The following PIK3C2G variants were observed in gnomAD, a reference collection of about 807,000 sequenced individuals.
The protein encoded by PIK3C2G is phosphatidylinositol 3-kinase C2 domain-containing subunit gamma.
Under a neutral mutation model 181.1 loss-of-function variants are expected in PIK3C2G, and 168 were observed. The observed-to-expected ratio is 0.93, with a 90% confidence interval of 0.82 to 1.05. The LOEUF (loss-of-function observed/expected upper bound fraction) is 1.05, where lower values mean the gene tolerates loss of function less well. Among genes scored for constraint, PIK3C2G ranks in the 50% least tolerant of loss-of-function variants. The pLI is 0.00. For synonymous variants in PIK3C2G, 573 were observed against 592.2 expected (o/e 0.97, Z 0.47); for missense variants, 1,869 against 1,732.8 (o/e 1.08, Z -1.40).
rs1949665447 is a variant in PIK3C2G at position 18,290,947 on chromosome 12, A to G, written c.854A>G (p.Lys285Arg). 1 of 1,592,938 alleles carries G rather than the reference A, an allele frequency of 6.3e-7. No homozygotes were observed. Among genetic ancestry groups the G allele is most frequent in the South Asian group, 1.1e-5 (1 of 90,606 alleles). Residue 285 changes from lysine (K) to arginine (R), a missense_variant, in exon 4 of 33, where the codon AAG becomes AGG. Coordinates refer to ENST00000538779, the MANE Select transcript of PIK3C2G (RefSeq NM_001288772.2). Reference sequence around the variant, plus strand: ...GCATTTCCGTATCAGCTCTTTTCTAAGACCAAGTTTAATATACATATTTTT... The same window carrying G: ...GCATTTCCGTATCAGCTCTTTTCTAGGACCAAGTTTAATATACATATTTTT... Reference protein sequence around the residue: ...TTAFPYQLFSKTKFNIHIFID... With the variant: ...TTAFPYQLFSRTKFNIHIFID...
intron 32 of PIK3C2G, among the ~76,000 whole-genome samples, chr12:18,644,608 G>T (rs73071873): frequency 0.047 from 7,103 of 152,162 alleles, 186 homozygotes; most frequent in African/African-American, 0.077. Flanking sequence ...CACTCAGTAA[G>T]CTATAGTTAT....
intron 26 of PIK3C2G, among the ~76,000 whole-genome samples, chr12:18,553,294 A>T (rs1222044053): frequency 6.6e-6 from 1 of 152,076 alleles, no homozygotes; most frequent in African/African-American, 2.4e-5. Context: ...TTTTAATATC[A>T]TTAATAAAAT....
intron 13 of PIK3C2G, among the ~76,000 whole-genome samples, chr12:18,373,196 T>C (rs1245257917): frequency 6.6e-6 from 1 of 152,196 alleles, no homozygotes; most frequent in East Asian, 1.9e-4. Flanking sequence ...CCCAGTTTAT[T>C]TGATGCAGAT....
chr12:18,480,992 G>T (rs1327101829), intron 18 of PIK3C2G, among the ~76,000 whole-genome samples: 1 of 151,962 alleles, frequency 6.6e-6, no homozygotes. Context: ...GAGTGCAGTG[G>T]CGCAATCTCG....
At chr12:18,479,578 A>T (rs1389673052) in intron 18 of PIK3C2G, among the ~76,000 whole-genome samples, 1 of 152,198 alleles carries the variant, frequency 6.6e-6, no homozygotes, top group African/African-American at 2.4e-5. Context: ...GGCACAGAGT[A>T]AATGCTTGAT....
rs189955283 is a variant in PIK3C2G, at chr12:18,433,432, A to C, written c.2504+9393A>C. On this transcript the variant is annotated intron_variant, in intron 18 of 32. Transcript: ENST00000538779. ...GGAGGCTGAGGCAGGAGGCTGAGGCAGGAGAATCACTTGAACCCAGGAGGC... is the reference window on the plus strand; with the variant it reads ...GGAGGCTGAGGCAGGAGGCTGAGGCCGGAGAATCACTTGAACCCAGGAGGC... 7.0e-3 allele frequency among the ~76,000 whole-genome samples: 1,066 copies of C among 151,970 alleles called. 6 individuals carry two copies. The highest frequency in any genetic ancestry group is 0.019 in the African/African-American group (780 of 41,306).
At chr12:18,288,922 T>A (rs1949569933) in intron 3 of PIK3C2G, among the ~76,000 whole-genome samples, 1 of 152,196 alleles carries the variant, frequency 6.6e-6, no homozygotes, top group South Asian at 2.1e-4. Context: ...CTCTTTAATA[T>A]AATTTTTCTA....
At chr12:18,585,267 C>A (rs1946709208) in intron 29 of PIK3C2G, among the ~76,000 whole-genome samples, 1 of 151,814 alleles carries the variant, frequency 6.6e-6, no homozygotes, top group Admixed American at 6.6e-5. Flanking sequence ...AAGCAAGACC[C>A]AGTGGTATGC....
At chr12:18,255,480 T>C (rs1948136994) in intron 1 of PIK3C2G, among the ~76,000 whole-genome samples, 1 of 152,198 alleles carries the variant, frequency 6.6e-6, no homozygotes, top group African/African-American at 2.4e-5. Context: ...TTCTTTTATA[T>C]CTAAGATGAC....
At chr12:18,562,361 T>A (rs965049702) in intron 26 of PIK3C2G, among the ~76,000 whole-genome samples, 16 of 152,182 alleles carry the variant, frequency 1.1e-4, no homozygotes, top group African/African-American at 3.9e-4. Flanking sequence ...CTCGATCTCC[T>A]GACCTCGTGA....
chr12:18,604,986 G>T (rs1298085018), intron 30 of PIK3C2G, among the ~76,000 whole-genome samples: 3 of 151,992 alleles, frequency 2.0e-5, no homozygotes, highest in Non-Finnish European at 2.9e-5. Flanking sequence ...AGGAACTAGA[G>T]AAACAAGAAC....
chr12:18,416,149 G>A (rs749230106), intron 16 of PIK3C2G, among the ~76,000 whole-genome samples: 101 of 152,252 alleles, frequency 6.6e-4, no homozygotes, highest in Middle Eastern at 6.8e-3. Flanking sequence ...GGAGGCTGAG[G>A]CAGGAGAATC....
the PIK3C2G span, among the ~76,000 whole-genome samples, chr12:18,680,216 T>C: frequency 3.3e-5 from 5 of 152,020 alleles, no homozygotes; most frequent in Non-Finnish European, 5.9e-5. Context: ...CATAAGCATT[T>C]CACTCAAAAG....
At chr12:18,408,678 A>G (rs967725026) in intron 16 of PIK3C2G, among the ~76,000 whole-genome samples, 4 of 152,202 alleles carry the variant, frequency 2.6e-5, no homozygotes, top group African/African-American at 7.2e-5. Flanking sequence ...AAGGGCTAAT[A>G]TTCAGAATCT....
At chr12:18,499,541 A>C (rs746159342) in intron 22 of PIK3C2G, among the ~76,000 whole-genome samples, 10 of 152,126 alleles carry the variant, frequency 6.6e-5, no homozygotes, top group Non-Finnish European at 1.5e-4. Flanking sequence ...TCTGAGAGAA[A>C]TTTTCAGGGC....
chr12:18,573,070 G>A (rs1011475716), intron 29 of PIK3C2G, among the ~76,000 whole-genome samples: 6 of 152,042 alleles, frequency 3.9e-5, no homozygotes, highest in African/African-American at 1.4e-4. Context: ...AATGTGTAAT[G>A]TTTCTACTGA....
intron 32 of PIK3C2G, among the ~76,000 whole-genome samples, chr12:18,642,785 A>C (rs983653402): frequency 1.1e-5 from 1 of 93,454 alleles, no homozygotes; most frequent in Non-Finnish European, 2.1e-5. Context: ...TATAAGTGAC[A>C]CTGTGTGTGT....
intron 24 of PIK3C2G, among the ~76,000 whole-genome samples, chr12:18,531,698 T>C (rs1943563741): frequency 6.6e-6 from 1 of 152,222 alleles, no homozygotes; most frequent in South Asian, 2.1e-4. Flanking sequence ...ATTCAAGCTG[T>C]TGTGTTTTCA....
chr12:18,421,128 A>C, intron 17 of PIK3C2G, 94 bp downstream of exon 17: 1 of 622,092 alleles, frequency 1.6e-6, no homozygotes, highest in Non-Finnish European at 2.8e-6. Context: ...TCTAGAAGTG[A>C]CATTGCAATT....
Sources: allele counts gnomAD v4.1 joint callset (sites outside exome capture counted in the v4.1 genomes callset), GRCh38; gene constraint gnomAD v4.1.1; transcripts MANE v1.5; gene names NCBI Gene and HGNC (gene_info 2026-07-23, HGNC 2026-07-21).